RIT2: variants seen among roughly 807,000 people sequenced by gnomAD.
RIT2 encodes the protein GTP-binding protein Rit2.
A neutral mutation model predicts 23.7 loss-of-function variants in RIT2; 24 were observed. The observed-to-expected ratio is 1.01, with a 90% confidence interval of 0.73 to 1.43. The LOEUF (loss-of-function observed/expected upper bound fraction) is 1.43. Ranked by LOEUF, RIT2 falls within the 40% of genes most tolerant of loss-of-function variation. The probability of loss-of-function intolerance (pLI) is 0.00; values close to 1 mark genes in which losing one functional copy is unlikely to be tolerated. For missense variants in RIT2, 236 were observed against 266.9 expected (o/e 0.88, Z 0.81); for synonymous variants, 107 against 91.1 (o/e 1.17, Z -0.99).
At chr18:42,764,517 A>C (rs1378978275) in intron 4 of RIT2, among the ~76,000 whole-genome samples, 1 of 152,208 alleles carries the variant, frequency 6.6e-6, no homozygotes, top group East Asian at 1.9e-4. Context: ...TTCCAGGGAC[A>C]TACCCCATCT....
intron 1 of RIT2, among the ~76,000 whole-genome samples, chr18:43,109,292 A>G (rs1913899412): frequency 6.6e-6 from 1 of 152,200 alleles, no homozygotes; most frequent in African/African-American, 2.4e-5. Context: ...ATTCTAATAA[A>G]TTCTGAGTTC....
At chr18:42,809,579 G>T (rs899846039) in intron 4 of RIT2, among the ~76,000 whole-genome samples, 37 of 151,780 alleles carry the variant, frequency 2.4e-4, no homozygotes, top group Non-Finnish European at 1.5e-5. Flanking sequence ...ATTTCTACCA[G>T]CCTTGAATAC....
intron 3 of RIT2, among the ~76,000 whole-genome samples, chr18:42,958,809 T>C (rs1013550380): frequency 2.0e-5 from 3 of 152,166 alleles, no homozygotes; most frequent in African/African-American, 7.2e-5. Context: ...GGCCTTTTAA[T>C]GATCTTCCTA....
intron 4 of RIT2, among the ~76,000 whole-genome samples, chr18:42,842,790 C>T (rs1906802614): frequency 6.6e-6 from 1 of 152,078 alleles, no homozygotes; most frequent in African/African-American, 2.4e-5. Context: ...TCAGTCATCC[C>T]AGAGAAAGTG....
chr18:42,930,368 C>T (rs556123356), intron 3 of RIT2, among the ~76,000 whole-genome samples: 39 of 148,270 alleles, frequency 2.6e-4, no homozygotes, highest in Non-Finnish European at 3.0e-5. Context: ...AATGAGAGGT[C>T]ACAATAAAAA....
chr18:42,895,277 C>T (rs1329024589), intron 4 of RIT2, among the ~76,000 whole-genome samples: 3 of 151,904 alleles, frequency 2.0e-5, no homozygotes, highest in Admixed American at 6.6e-5. Context: ...ACAATGATTA[C>T]TAGTCATTAC....
In RIT2 at chr18:42,923,786, T is replaced by A. The variant is rs950387451; in HGVS notation, c.235-23A>T. ...TGCCTGCAGGAAAAAAAAAAAAAAA[T>A]TAGTTATGGGCTTTCAATATAGCTA... On this transcript the variant is annotated intron_variant, in intron 3 of 4. Coordinates refer to ENST00000326695, the MANE Select transcript of RIT2 (RefSeq NM_002930.4). The A allele has an allele frequency of 2.6e-5, 32 of 1,216,150 alleles. No individual in the cohort carries two copies. The Middle Eastern group carries it at 8.0e-4, about 30-fold the overall frequency. 75.3% of individuals were successfully genotyped at this position (1,216,150 alleles called of 1,614,324 possible).
At chr18:42,968,098 T>A (rs2144196138) in intron 3 of RIT2, among the ~76,000 whole-genome samples, 1 of 152,276 alleles carries the variant, frequency 6.6e-6, no homozygotes, top group South Asian at 2.1e-4. Flanking sequence ...TTTCTTGACA[T>A]TTGCTTGGGC....
At chr18:43,051,003 T>C (rs562686620) in intron 1 of RIT2, among the ~76,000 whole-genome samples, 141 of 152,140 alleles carry the variant, frequency 9.3e-4, no homozygotes, top group African/African-American at 3.0e-3. Flanking sequence ...CTAAAAGGTG[T>C]TAGTGAGAAC....
intron 4 of RIT2, among the ~76,000 whole-genome samples, chr18:42,815,455 T>C (rs971244658): frequency 2.6e-5 from 4 of 152,186 alleles, no homozygotes; most frequent in African/African-American, 9.6e-5. Context: ...ACAAAGCCTC[T>C]AAGAAGTCTG....
At chr18:42,778,750 C>T (rs937411768) in intron 4 of RIT2, among the ~76,000 whole-genome samples, 1 of 152,034 alleles carries the variant, frequency 6.6e-6, no homozygotes, top group Non-Finnish European at 1.5e-5. Context: ...TGTCTATATC[C>T]GAAGAGCTAA....
chr18:42,809,916 A>G (rs1271703291), intron 4 of RIT2, among the ~76,000 whole-genome samples: 2 of 143,146 alleles, frequency 1.4e-5, no homozygotes, highest in African/African-American at 5.1e-5. Flanking sequence ...AATATATATA[A>G]TTTGTATATA....
chr18:42,826,781 G>A (rs557042744), intron 4 of RIT2, among the ~76,000 whole-genome samples: 3 of 151,964 alleles, frequency 2.0e-5, no homozygotes, highest in South Asian at 4.2e-4. Context: ...CCAAATACAC[G>A]GTGAATTTTC....
intron 4 of RIT2, among the ~76,000 whole-genome samples, chr18:42,770,022 T>A (rs1009694789): frequency 2.0e-5 from 3 of 151,052 alleles, no homozygotes; most frequent in African/African-American, 7.3e-5. Flanking sequence ...GATTCCTAGT[T>A]TTTTTTTTGC....
intron 4 of RIT2, among the ~76,000 whole-genome samples, chr18:42,809,169 A>T (rs1905769760): frequency 6.6e-6 from 1 of 152,190 alleles, no homozygotes. Flanking sequence ...TTTGAAAATC[A>T]TCTGATTTGA....
chr18:42,877,520 C>CTATATA (rs144405918), intron 4 of RIT2, among the ~76,000 whole-genome samples: 25,714 of 143,482 alleles, frequency 0.18, 2,461 homozygotes, highest in African/African-American at 0.26. Flanking sequence ...TTTGTATACA[C>CTATATA]TATATATATA....
chr18:43,105,099 G>GCT (rs1355689455), intron 1 of RIT2, among the ~76,000 whole-genome samples: 103 of 112,202 alleles, frequency 9.2e-4, no homozygotes, highest in East Asian at 6.6e-3. Context: ...CAGGCAGTGT[G>GCT]CTGTGTGTGT....
intron 4 of RIT2, among the ~76,000 whole-genome samples, chr18:42,921,263 G>T (rs539445515): frequency 1.2e-4 from 19 of 152,214 alleles, no homozygotes; most frequent in Non-Finnish European, 2.1e-4. Flanking sequence ...CTTCATTACT[G>T]GAGACAGTGG....
chr18:42,757,661 A>G (rs1014546529), intron 4 of RIT2, among the ~76,000 whole-genome samples: 8 of 152,154 alleles, frequency 5.3e-5, no homozygotes, highest in Non-Finnish European at 1.0e-4. Flanking sequence ...ACCACTATAC[A>G]TTTATATTTC....
Sources: gnomAD v4.1 joint callset for allele counts (sites outside exome capture counted in the v4.1 genomes callset) on GRCh38, gnomAD v4.1.1 for gene constraint, MANE v1.5 for transcripts, NCBI Gene and HGNC (gene_info 2026-07-23, HGNC 2026-07-21) for gene names.